Variants in KATNIP observed in about 807,000 individuals in gnomAD.
The protein encoded by KATNIP is katanin interacting protein, also known as katanin-interacting protein.
Under a neutral mutation model 174.0 loss-of-function variants are expected in KATNIP, and 126 were observed. The ratio of observed to expected loss-of-function variants is 0.72; its 90% CI spans 0.63 to 0.84. KATNIP has a LOEUF of 0.84. Among genes scored for constraint, KATNIP ranks in the 40% least tolerant of loss-of-function variants. The pLI, the probability that KATNIP is intolerant of heterozygous loss-of-function variation, is 0.00. For missense variants in KATNIP, 1,958 were observed against 2,109.7 expected (o/e 0.93, Z 1.41); for synonymous variants, 810 against 835.7 (o/e 0.97, Z 0.53).
chr16:27,607,661 A>G (rs4787979), intron 2 of KATNIP, among the ~76,000 whole-genome samples: 132,180 of 148,532 alleles, frequency 0.89, 59,056 homozygotes, highest in East Asian at 1. Flanking sequence ...GCAGTGGCAC[A>G]ATCTCAGCTC....
At chr16:27,772,844 C>T (rs1013454524) in intron 22 of KATNIP, among the ~76,000 whole-genome samples, 2 of 152,114 alleles carry the variant, frequency 1.3e-5, no homozygotes, top group East Asian at 1.9e-4. Flanking sequence ...CACGGGCACA[C>T]GCACACGTGC....
intron 1 of KATNIP, among the ~76,000 whole-genome samples, chr16:27,555,612 A>G (rs1247277202): frequency 2.7e-5 from 4 of 150,356 alleles, no homozygotes; most frequent in African/African-American, 9.8e-5. Flanking sequence ...AGGCAGGCAG[A>G]TCACCTGAGA....
intron 8 of KATNIP, among the ~76,000 whole-genome samples, chr16:27,692,836 G>C (rs928813838): frequency 6.6e-5 from 10 of 152,188 alleles, no homozygotes; most frequent in Non-Finnish European, 1.5e-4. Flanking sequence ...CCCACACCAA[G>C]AGCAGCATCT....
chr16:27,648,748 T>C lies in KATNIP; in HGVS notation c.540+13T>C, dbSNP rs1318925520. The stretch of plus-strand genomic sequence containing the variant: ...GGATCGTCCGCAGGTAGGGATGGCC[T>C]TGGCCTTGTGCTCGGGACACCTGAA... On this transcript the variant is annotated intron_variant, in intron 6 of 27. Coordinates refer to ENST00000261588, the MANE Select transcript of KATNIP (RefSeq NM_015202.5). 6.2e-7 allele frequency: 1 copy of C among 1,611,370 alleles called. No homozygotes were observed. The highest frequency in any genetic ancestry group is 8.5e-7 in the Non-Finnish European group (1 of 1,178,900).
At chr16:27,676,279 C>T (rs2078110990) in intron 6 of KATNIP, among the ~76,000 whole-genome samples, 1 of 152,220 alleles carries the variant, frequency 6.6e-6, no homozygotes, top group African/African-American at 2.4e-5. Context: ...AGCTAAGATT[C>T]TACTGCTACA....
intron 8 of KATNIP, among the ~76,000 whole-genome samples, chr16:27,695,203 C>T (rs1262369554): frequency 6.6e-6 from 1 of 152,220 alleles, no homozygotes; most frequent in African/African-American, 2.4e-5. Context: ...TCCCTGCTTT[C>T]ACCTCCTTTC....
At chr16:27,576,850 G>A (rs761450544) in intron 2 of KATNIP, among the ~76,000 whole-genome samples, 3 of 152,152 alleles carry the variant, frequency 2.0e-5, no homozygotes, top group Non-Finnish European at 4.4e-5. Flanking sequence ...CTTTCTCAGA[G>A]CTGGTTAGAA....
At chr16:27,720,313 GC>G (rs2080167326) in intron 13 of KATNIP, among the ~76,000 whole-genome samples, 1 of 151,470 alleles carries the variant, frequency 6.6e-6, no homozygotes, top group Non-Finnish European at 1.5e-5. Flanking sequence ...CTGGTCTCGA[GC>G]TCCTGACCTC....
intron 6 of KATNIP, among the ~76,000 whole-genome samples, chr16:27,652,883 A>G (rs1032913345): frequency 1.3e-5 from 2 of 152,078 alleles, no homozygotes; most frequent in African/African-American, 2.4e-5. Context: ...AAAAATTATG[A>G]TACTTATTTT....
intron 1 of KATNIP, among the ~76,000 whole-genome samples, chr16:27,558,096 A>C (rs986575577): frequency 6.6e-6 from 1 of 152,122 alleles, no homozygotes; most frequent in African/African-American, 2.4e-5. Context: ...CAGTTGTGAA[A>C]ACTCCTGTGG....
rs768307612 is a variant in KATNIP, at chr16:27,628,705, T to C, written c.185T>C (p.Leu62Pro). The C allele has an allele frequency of 1.9e-6, 3 of 1,614,106 alleles. No individual in the cohort carries two copies. Among genetic ancestry groups the C allele is most frequent in the East Asian group, 2.2e-5 (1 of 44,904 alleles). Residue 62 changes from leucine to proline, a missense_variant, in exon 4 of 28, where the codon CTG becomes CCG. This residue lies in a region of KATNIP where 1,557 missense variants were observed against 1,617.8 expected (regional missense o/e 0.96). Coordinates refer to ENST00000261588, the MANE Select transcript of KATNIP (RefSeq NM_015202.5). ...LKSKDPVQLR[L>P]EHLEQGFSVY... ...AGCAAGGACCCCGTGCAATTGAGGC[T>C]GGAGCACTTGGAGCAAGGTTTCTCT... is the stretch of plus-strand genomic sequence containing the variant.
At chr16:27,739,612 C>T (rs898581350) in intron 14 of KATNIP, among the ~76,000 whole-genome samples, 2 of 152,170 alleles carry the variant, frequency 1.3e-5, no homozygotes, top group African/African-American at 2.4e-5. Flanking sequence ...AGGAACTGGA[C>T]TTTAAAGAAC....
intron 14 of KATNIP, chr16:27,722,270 A>C (rs990960610): frequency 1.3e-5 from 2 of 152,102 alleles, no homozygotes; most frequent in African/African-American, 4.8e-5. Flanking sequence ...CTCTGGTTCT[A>C]TTTTTTATTT....
chr16:27,773,133 C>A lies in KATNIP; in HGVS notation c.4233C>A (p.Gly1411=). 6.2e-7 allele frequency: 1 copy of A among 1,612,096 alleles called. No homozygotes were observed. Among genetic ancestry groups the A allele is most frequent in the Non-Finnish European group, 8.5e-7 (1 of 1,179,020 alleles). The part of the protein sequence containing the change: ...IFQFQLLTSW[G]DPYYIGLTGL... ...AGTTTCAGCTTCTCACCAGCTGGGG[C>A]GACCCCTACTACATCGGCCTCACCG... The change falls in exon 23 of 28, where the codon GGC becomes GGA. Residue 1411 remains glycine (G), a synonymous_variant. Coordinates refer to ENST00000261588, the MANE Select transcript of KATNIP (RefSeq NM_015202.5).
At chr16:27,618,848 A>G (rs1371625692) in intron 3 of KATNIP, among the ~76,000 whole-genome samples, 1 of 152,250 alleles carries the variant, frequency 6.6e-6, no homozygotes, top group Admixed American at 6.5e-5. Flanking sequence ...AGGCTTTGAC[A>G]GTCCCTGAAA....
Position 27,691,398 on chromosome 16 carries a change from G to A in KATNIP, c.941-6930G>A, listed in dbSNP as rs576891316. On this transcript the variant is annotated intron_variant, in intron 8 of 27. Coordinates refer to ENST00000261588, the MANE Select transcript of KATNIP (RefSeq NM_015202.5). ...AGCAGTTTGGGAGAAGTTAAAATGT[G>A]CAATTTGGCTTTTGCTGGTGGCACA... is the stretch of plus-strand genomic sequence containing the variant. 6.8e-4 allele frequency among the ~76,000 whole-genome samples: 104 copies of A among 152,318 alleles called. 1 individual carries two copies. Among genetic ancestry groups the A allele is most frequent in the South Asian group, 1.7e-3 (8 of 4,822 alleles).
rs144839445 is a variant in KATNIP at position 27,775,906 on chromosome 16, C to G, written c.4449+822C>G. Among the ~76,000 whole-genome samples the G allele has an allele frequency of 2.8e-4, 42 of 152,252 alleles. No homozygotes were observed. The East Asian group carries it at 6.8e-3, about 25-fold the overall frequency. ...TCCAAAGGCCACCCTAAAATTAGAC[C>G]CCCCCTATTGAGCGTCCTCAGCTTC... On this transcript the variant is annotated intron_variant, in intron 24 of 27. Coordinates refer to ENST00000261588, the MANE Select transcript of KATNIP (RefSeq NM_015202.5).
Position 27,737,354 on chromosome 16 carries a change from G to T in KATNIP, c.1744-2687G>T, listed in dbSNP as rs948185648. On this transcript the variant is annotated intron_variant, in intron 14 of 27. Coordinates refer to ENST00000261588, the MANE Select transcript of KATNIP (RefSeq NM_015202.5). The stretch of plus-strand genomic sequence containing the variant: ...CCCTGATCGAGCCACTGTAACGCCA[G>T]CCTGGGCAACAGAGCAAGACCTTGT... Among the ~76,000 whole-genome samples the T allele has an allele frequency of 7.9e-5, 12 of 152,238 alleles. No homozygotes were observed. In the East Asian group the frequency reaches 2.3e-3, roughly 29 times the overall value.
intron 20 of KATNIP, among the ~76,000 whole-genome samples, chr16:27,768,650 C>T (rs990377136): frequency 6.6e-6 from 1 of 152,174 alleles, no homozygotes; most frequent in African/African-American, 2.4e-5. Context: ...GTAGGAATCC[C>T]CCTTGAGGAA....
Sources: gnomAD v4.1 joint callset for allele counts (sites outside exome capture counted in the v4.1 genomes callset) on GRCh38, gnomAD v4.1.1 for gene constraint, gnomAD v4.1.1 regional missense constraint, MANE v1.5 for transcripts, NCBI Gene and HGNC (gene_info 2026-07-23, HGNC 2026-07-21) for gene names.